The following ACTL8 variants were observed in gnomAD, a reference collection of about 807,000 sequenced individuals.
ACTL8 encodes the protein actin like 8, also known as actin-like protein 8.
In ACTL8, 3 loss-of-function variants were observed where a neutral mutation model predicts 9.3. The observed-to-expected ratio is 0.32, with a 90% CI of 0.15 to 0.83. The LOEUF (loss-of-function observed/expected upper bound fraction) is 0.83, where lower values mean the gene tolerates loss of function less well. ACTL8 is among the 40% of genes least tolerant of loss of function. The pLI, the probability that ACTL8 is intolerant of heterozygous loss-of-function variation, is 0.57. For synonymous variants in ACTL8, 224 were observed against 205.9 expected, an observed-to-expected ratio of 1.09 and a Z score of -0.75; for missense variants, 381 against 492.2, an observed-to-expected ratio of 0.77 and a Z score of 2.14.
At chr1:17,798,235 A>G (rs1257166104) in intron 1 of ACTL8, among the ~76,000 whole-genome samples, 1 of 151,948 alleles carries the variant, frequency 6.6e-6, no homozygotes, top group Non-Finnish European at 1.5e-5. Flanking sequence ...GGTGTGGCAC[A>G]TGTCATCACT....
At chr1:17,808,191 A>G (rs1310630352) in intron 1 of ACTL8, among the ~76,000 whole-genome samples, 1 of 152,192 alleles carries the variant, frequency 6.6e-6, no homozygotes. Context: ...AGTCTTGATG[A>G]GCAAACTCTG....
At chr1:17,795,930 G>C (rs2066273684) in intron 1 of ACTL8, among the ~76,000 whole-genome samples, 1 of 152,336 alleles carries the variant, frequency 6.6e-6, no homozygotes, top group Middle Eastern at 3.4e-3. Context: ...ATGGGGTACA[G>C]CATTGCTCAG....
intron 1 of ACTL8, among the ~76,000 whole-genome samples, chr1:17,756,220 G>T (rs890820201): frequency 1.3e-5 from 2 of 151,836 alleles, no homozygotes; most frequent in African/African-American, 4.8e-5. Flanking sequence ...TTCCCAGGGG[G>T]CCTCAGCCCT....
chr1:17,824,875 A>G (rs2053700434), intron 2 of ACTL8, among the ~76,000 whole-genome samples: 1 of 151,972 alleles, frequency 6.6e-6, no homozygotes, highest in African/African-American at 2.4e-5. Flanking sequence ...CTTGGCTGCT[A>G]TTTTGAGAAA....
rs552830240 is a variant in ACTL8 at position 17,787,050 on chromosome 1, A to G, written c.-25+31546A>G. Among the ~76,000 whole-genome samples the G allele has an allele frequency of 6.6e-5, 10 of 152,118 alleles. No individual in the cohort carries two copies. The South Asian group carries it at 1.5e-3, about 22-fold the overall frequency. ...AAATGTTACATTTATAAAGTTCAGT[A>G]TATTTTTTCCCTTGTTTTGTTTATC... On this transcript the variant is annotated intron_variant, in intron 1 of 2. Transcript: ENST00000375406.
chr1:17,784,825 C>T (rs924411916), intron 1 of ACTL8, among the ~76,000 whole-genome samples: 11 of 152,118 alleles, frequency 7.2e-5, no homozygotes, highest in African/African-American at 2.2e-4. Flanking sequence ...TGTATTAGTC[C>T]GTTTGCACAC....
chr1:17,782,219 C>A (rs1222398715), intron 1 of ACTL8, among the ~76,000 whole-genome samples: 1 of 152,048 alleles, frequency 6.6e-6, no homozygotes, highest in African/African-American at 2.4e-5. Context: ...AGTTTGAGGA[C>A]AGGGGGAGGG....
At chr1:17,756,338 T>G (rs1034310355) in intron 1 of ACTL8, among the ~76,000 whole-genome samples, 7 of 151,976 alleles carry the variant, frequency 4.6e-5, no homozygotes, top group African/African-American at 1.7e-4. Flanking sequence ...TACCTTGGCC[T>G]TGAGGGGTTC....
At chr1:17,803,477 C>G (rs1330004996) in intron 1 of ACTL8, among the ~76,000 whole-genome samples, 1 of 152,208 alleles carries the variant, frequency 6.6e-6, no homozygotes, top group Non-Finnish European at 1.5e-5. Context: ...ATTACAGATG[C>G]CTGCCACCTT....
rs368151880 is a variant in ACTL8 at position 17,782,378 on chromosome 1, AT to A, written c.-25+26884del. On this transcript the variant is annotated intron_variant, in intron 1 of 2. Transcript: ENST00000375406. Reference sequence around the variant, plus strand: ...TAAAAGTTAAATGACTTATCTTGTCATTTTTTTTTTGTTAAACGCTATAAAG... The same window carrying A: ...TAAAAGTTAAATGACTTATCTTGTCATTTTTTTTTGTTAAACGCTATAAAG... Among the ~76,000 whole-genome samples, 105 of 150,290 alleles carry A rather than the reference AT, an allele frequency of 7.0e-4. No homozygotes were observed. In the South Asian group the frequency reaches 7.6e-3, roughly 11 times the overall value.
intron 1 of ACTL8, among the ~76,000 whole-genome samples, chr1:17,769,587 G>A (rs371229713): frequency 1.3e-5 from 2 of 152,270 alleles, no homozygotes; most frequent in South Asian, 4.2e-4. Flanking sequence ...CAGTAAAAAG[G>A]GGGTGGTGGT....
chr1:17,815,864 G>A (rs61766701), intron 1 of ACTL8, among the ~76,000 whole-genome samples: 12,974 of 152,058 alleles, frequency 0.085, 719 homozygotes, highest in South Asian at 0.21. Context: ...TTCTCTCTGT[G>A]TTTTAGATTG....
chr1:17,806,286 G>C (rs977163705), intron 1 of ACTL8, among the ~76,000 whole-genome samples: 6 of 152,198 alleles, frequency 3.9e-5, no homozygotes, highest in Admixed American at 3.9e-4. Flanking sequence ...CTGCCAGGGA[G>C]AGTAATGTTA....
chr1:17,819,846 T>C (rs1474209848), intron 1 of ACTL8, among the ~76,000 whole-genome samples: 1 of 151,834 alleles, frequency 6.6e-6, no homozygotes, highest in African/African-American at 2.4e-5. Flanking sequence ...GCCTAGGCTG[T>C]TGCCTAGGAA....
chr1:17,789,649 C>T (rs1177458110), intron 1 of ACTL8, among the ~76,000 whole-genome samples: 2 of 152,084 alleles, frequency 1.3e-5, no homozygotes, highest in East Asian at 3.9e-4. Flanking sequence ...TTATTTATTT[C>T]TATGTCCTTG....
intron 1 of ACTL8, among the ~76,000 whole-genome samples, chr1:17,798,488 A>G (rs2066294804): frequency 6.6e-6 from 1 of 152,002 alleles, no homozygotes; most frequent in African/African-American, 2.4e-5. Context: ...GGGCTTGGAG[A>G]AGGACATTTT....
intron 1 of ACTL8, among the ~76,000 whole-genome samples, chr1:17,773,880 A>G (rs1323402982): frequency 6.6e-6 from 1 of 152,214 alleles, no homozygotes; most frequent in Non-Finnish European, 1.5e-5. Flanking sequence ...TACTTTGCGA[A>G]GGGAGGGAGA....
chr1:17,797,240 GCTA>G (rs2066283985), intron 1 of ACTL8, among the ~76,000 whole-genome samples: 1 of 152,154 alleles, frequency 6.6e-6, no homozygotes, highest in Admixed American at 6.5e-5. Flanking sequence ...ACCTGCTAGG[GCTA>G]CTGTGGCAGT....
At chr1:17,794,587 C>T (rs763427506) in intron 1 of ACTL8, among the ~76,000 whole-genome samples, 3 of 152,218 alleles carry the variant, frequency 2.0e-5, no homozygotes, top group Non-Finnish European at 2.9e-5. Context: ...AGTGAAATTG[C>T]TCAAAGTATA....
Sources: allele counts gnomAD v4.1 joint callset (sites outside exome capture counted in the v4.1 genomes callset), GRCh38; gene constraint gnomAD v4.1.1; transcripts MANE v1.5; gene names NCBI Gene and HGNC (gene_info 2026-07-23, HGNC 2026-07-21).